Variants in PCDH15 observed in about 807,000 individuals in gnomAD.
The protein encoded by PCDH15 is protocadherin related 15, also known as protocadherin-15.
A neutral mutation model predicts 178.5 loss-of-function variants in PCDH15; 129 were observed. The ratio of observed to expected loss-of-function variants is 0.72; its 90% CI spans 0.63 to 0.84. PCDH15 has a LOEUF of 0.84. Among genes scored for constraint, PCDH15 ranks in the 40% least tolerant of loss-of-function variants. The pLI, the probability that PCDH15 is intolerant of heterozygous loss-of-function variation, is 0.00. For missense variants in PCDH15, 2,230 were observed against 2,099.9 expected, an observed-to-expected ratio of 1.06 and a Z score of -1.21; for synonymous variants, 800 against 732.0, an observed-to-expected ratio of 1.09 and a Z score of -1.50.
At chr10:54,945,019 G>C (rs1040725619) in intron 2 of PCDH15, among the ~76,000 whole-genome samples, 1 of 151,840 alleles carries the variant, frequency 6.6e-6, no homozygotes, top group Non-Finnish European at 1.5e-5. Flanking sequence ...TTTTTCATAT[G>C]TGTGTCATTG....
intron 2 of PCDH15, among the ~76,000 whole-genome samples, chr10:55,462,210 C>T (rs1376749028): frequency 6.6e-6 from 1 of 152,050 alleles, no homozygotes; most frequent in Non-Finnish European, 1.5e-5. Flanking sequence ...TAATCTATGA[C>T]ATATATGTTC....
intron 3 of PCDH15, among the ~76,000 whole-genome samples, chr10:54,422,058 A>G (rs2135852848): frequency 6.6e-6 from 1 of 151,076 alleles, no homozygotes; most frequent in South Asian, 2.1e-4. Flanking sequence ...ATACAGCAAT[A>G]AATAAATAAA....
intron 3 of PCDH15, among the ~76,000 whole-genome samples, chr10:54,465,300 A>C (rs1011853648): frequency 1.3e-5 from 2 of 152,060 alleles, no homozygotes; most frequent in Non-Finnish European, 2.9e-5. Flanking sequence ...TATACAGTAC[A>C]TTGTTGTTTA....
At chr10:54,916,182 G>T (rs936216770) in intron 2 of PCDH15, among the ~76,000 whole-genome samples, 2 of 151,970 alleles carry the variant, frequency 1.3e-5, no homozygotes, top group South Asian at 2.1e-4. Context: ...TATTGGTCAG[G>T]CTGGTCTCGA....
At chr10:54,621,173 A>C (rs984032632) in intron 2 of PCDH15, among the ~76,000 whole-genome samples, 2 of 151,994 alleles carry the variant, frequency 1.3e-5, no homozygotes, top group African/African-American at 4.8e-5. Flanking sequence ...TTATTTGCTT[A>C]ACCAAAGCAA....
chr10:53,955,004 C>A (rs2134222773), intron 23 of PCDH15, among the ~76,000 whole-genome samples: 1 of 152,282 alleles, frequency 6.6e-6, no homozygotes, highest in African/African-American at 2.4e-5. Flanking sequence ...TCACCTACAC[C>A]ATTTCCCCTT....
At chr10:54,157,128 C>T (rs1336683253) in intron 13 of PCDH15, among the ~76,000 whole-genome samples, 1 of 152,194 alleles carries the variant, frequency 6.6e-6, no homozygotes, top group African/African-American at 2.4e-5. Context: ...ATTCTGGGCT[C>T]TGGAGGACAG....
chr10:54,877,963 T>A (rs1954180899), intron 3 of PCDH15, among the ~76,000 whole-genome samples: 2 of 26,550 alleles, frequency 7.5e-5, no homozygotes, highest in African/African-American at 2.8e-4. Context: ...TTTTTTTTTT[T>A]TTTTTTTTTT....
intron 2 of PCDH15, among the ~76,000 whole-genome samples, chr10:55,352,551 A>G (rs1040692781): frequency 3.3e-5 from 5 of 152,186 alleles, no homozygotes; most frequent in African/African-American, 1.2e-4. Flanking sequence ...AGAAGTTGCC[A>G]AAGAACACAA....
At chr10:54,107,208 T>C (rs2094931705) in intron 15 of PCDH15, among the ~76,000 whole-genome samples, 1 of 152,242 alleles carries the variant, frequency 6.6e-6, no homozygotes, top group South Asian at 2.1e-4. Context: ...AGAGATAATA[T>C]TAACACCAAA....
At position 53,807,111 on chromosome 10, in the gene PCDH15, A is replaced by ATCAT. The variant is rs1442769492; in HGVS notation, c.4687_4690dup (p.Ile1564AsnfsTer7). 6.3e-7 allele frequency: 1 copy of ATCAT among 1,599,894 alleles called. No individual in the cohort carries two copies. Among genetic ancestry groups the ATCAT allele is most frequent in the East Asian group, 2.2e-5 (1 of 44,706 alleles). ...ATACTCTCGATCAACAACTAACTTG[A>ATCAT]TCATTCTTTTTCTTGCCCACTGATA... On this transcript the variant is annotated frameshift_variant, in exon 38 of 38. Transcript: ENST00000644397. LOFTEE classifies it high-confidence loss of function.
intron 3 of PCDH15, among the ~76,000 whole-genome samples, chr10:54,853,318 T>TATATACAC (rs1194965974): frequency 8.0e-4 from 82 of 102,022 alleles, no homozygotes; most frequent in African/African-American, 2.7e-3. Flanking sequence ...TATATATATA[T>TATATACAC]ACATACACAC....
chr10:54,424,335 C>A (rs191116088), intron 3 of PCDH15, among the ~76,000 whole-genome samples: 2 of 151,708 alleles, frequency 1.3e-5, no homozygotes, highest in Non-Finnish European at 2.9e-5. Context: ...GTTAGAATGG[C>A]GATCATTAAA....
chr10:54,193,779 T>G (rs2049281034), intron 11 of PCDH15, among the ~76,000 whole-genome samples: 1 of 152,122 alleles, frequency 6.6e-6, no homozygotes, highest in African/African-American at 2.4e-5. Flanking sequence ...GTATATAAAA[T>G]ATAGAGTGCT....
chr10:55,108,285 A>G (rs1002944293), intron 2 of PCDH15, among the ~76,000 whole-genome samples: 3 of 152,216 alleles, frequency 2.0e-5, no homozygotes, highest in Admixed American at 2.0e-4. Context: ...TCCAAGATAC[A>G]GAAAGGCCCT....
intron 1 of PCDH15, among the ~76,000 whole-genome samples, chr10:55,206,185 A>T (rs1840396583): frequency 6.6e-6 from 1 of 152,130 alleles, no homozygotes; most frequent in African/African-American, 2.4e-5. Context: ...GCTTATGATG[A>T]AAAACAGAAA....
intron 2 of PCDH15, among the ~76,000 whole-genome samples, chr10:55,603,461 A>C (rs1843134243): frequency 1.3e-5 from 2 of 151,900 alleles, no homozygotes; most frequent in South Asian, 4.2e-4. Flanking sequence ...CCAAAGTTGA[A>C]ATGAAGGAAA....
chr10:54,968,834 C>A (rs867946717), intron 2 of PCDH15, among the ~76,000 whole-genome samples: 2 of 152,076 alleles, frequency 1.3e-5, no homozygotes, highest in African/African-American at 4.8e-5. Context: ...TGTTTCATTT[C>A]AGATAGTTTT....
intron 1 of PCDH15, among the ~76,000 whole-genome samples, chr10:54,789,983 A>G (rs531539397): frequency 1.3e-5 from 2 of 151,992 alleles, no homozygotes; most frequent in East Asian, 3.9e-4. Context: ...CGACAAACTT[A>G]ACAAATAAGG....
Sources: gnomAD v4.1 joint callset for allele counts (sites outside exome capture counted in the v4.1 genomes callset) on GRCh38, gnomAD v4.1.1 for gene constraint, MANE v1.5 for transcripts, NCBI Gene and HGNC (gene_info 2026-07-23, HGNC 2026-07-21) for gene names.